BTBD9: variants seen among roughly 807,000 people sequenced by gnomAD.
BTBD9 encodes the protein BTB domain containing 9, also known as BTB/POZ domain-containing protein 9.
A neutral mutation model predicts 64.3 loss-of-function variants in BTBD9; 49 were observed. That is an observed-to-expected ratio of 0.76 (90% CI 0.61 to 0.97). BTBD9 has a LOEUF of 0.97. Among genes scored for constraint, BTBD9 ranks in the 50% least tolerant of loss-of-function variants. BTBD9 has a pLI of 0.00. For missense variants in BTBD9, 598 were observed against 762.1 expected, an observed-to-expected ratio of 0.78 and a Z score of 2.53; for synonymous variants, 260 against 274.7, an observed-to-expected ratio of 0.95 and a Z score of 0.53.
intron 7 of BTBD9, among the ~76,000 whole-genome samples, chr6:38,302,523 A>C (rs1274416310): frequency 7.5e-6 from 1 of 132,928 alleles, no homozygotes; most frequent in South Asian, 2.5e-4. Flanking sequence ...ATATATATAT[A>C]TCACATTCTC....
At chr6:38,639,773 C>G (rs919818844) in intron 1 of BTBD9, 27 bp downstream of exon 1, 51 of 151,980 alleles carry the variant, frequency 3.4e-4, no homozygotes, top group African/African-American at 1.2e-3. Context: ...CAGGCCCCAC[C>G]TCCCCTGCAA....
intron 8 of BTBD9, among the ~76,000 whole-genome samples, chr6:38,277,794 C>T (rs898326317): frequency 2.0e-5 from 3 of 152,144 alleles, no homozygotes; most frequent in South Asian, 2.1e-4. Context: ...AATTATATGG[C>T]ATGTGAATTA....
chr6:38,393,067 G>C (rs879778866), intron 6 of BTBD9, among the ~76,000 whole-genome samples: 1 of 151,956 alleles, frequency 6.6e-6, no homozygotes, highest in Non-Finnish European at 1.5e-5. Context: ...GTAGAGACAG[G>C]GTTTCGCCAT....
chr6:38,524,368 C>T (rs564451604), intron 6 of BTBD9, among the ~76,000 whole-genome samples: 14 of 152,006 alleles, frequency 9.2e-5, no homozygotes, highest in African/African-American at 3.1e-4. Flanking sequence ...TTTTCTTCTC[C>T]TTAGAATTCA....
chr6:38,304,042 A>T (rs1167143517), intron 7 of BTBD9, among the ~76,000 whole-genome samples: 1 of 150,974 alleles, frequency 6.6e-6, no homozygotes, highest in Non-Finnish European at 1.5e-5. Flanking sequence ...TAGTCAAAGT[A>T]TGGATCTACA....
intron 6 of BTBD9, among the ~76,000 whole-genome samples, chr6:38,386,774 C>G (rs1766191346): frequency 6.6e-6 from 1 of 151,722 alleles, no homozygotes; most frequent in South Asian, 2.1e-4. Flanking sequence ...TCCCAAGTAG[C>G]TGGGACTACA....
At chr6:38,205,893 AAAG>A (rs1561871121) in intron 9 of BTBD9, among the ~76,000 whole-genome samples, 12 of 143,922 alleles carry the variant, frequency 8.3e-5, no homozygotes, top group South Asian at 6.7e-4. Flanking sequence ...AAAAAAAAAG[AAAG>A]AAAGAAAGAA....
intron 6 of BTBD9, among the ~76,000 whole-genome samples, chr6:38,491,304 AAGGTGTTAG>A (rs1487787643): frequency 6.6e-6 from 1 of 152,232 alleles, no homozygotes; most frequent in African/African-American, 2.4e-5. Flanking sequence ...CAAGAAAGGC[AAGGTGTTAG>A]TTACATAATA....
At chr6:38,188,151 G>A (rs547350706) in intron 10 of BTBD9, among the ~76,000 whole-genome samples, 1 of 152,164 alleles carries the variant, frequency 6.6e-6, no homozygotes, top group Non-Finnish European at 1.5e-5. Flanking sequence ...CCTGCTGTCC[G>A]CCTTCTCCTA....
intron 9 of BTBD9, among the ~76,000 whole-genome samples, chr6:38,247,861 A>T (rs1229210123): frequency 2.0e-5 from 3 of 152,116 alleles, no homozygotes; most frequent in Non-Finnish European, 4.4e-5. Flanking sequence ...AAACCATGCC[A>T]CTCTGCCAGC....
intron 1 of BTBD9, among the ~76,000 whole-genome samples, chr6:38,607,521 C>G (rs1393829266): frequency 6.6e-6 from 1 of 152,114 alleles, no homozygotes; most frequent in Non-Finnish European, 1.5e-5. Flanking sequence ...TTTGCATACT[C>G]TTAATGCTTC....
intron 6 of BTBD9, 84 bp downstream of exon 6, chr6:38,577,516 A>G: frequency 7.4e-7 from 1 of 1,353,126 alleles, no homozygotes; most frequent in Non-Finnish European, 1.0e-6. Flanking sequence ...TCTTTTTTCA[A>G]GATGAAAAAT....
intron 6 of BTBD9, among the ~76,000 whole-genome samples, chr6:38,429,847 A>G (rs1355439610): frequency 6.6e-6 from 1 of 152,016 alleles, no homozygotes; most frequent in Admixed American, 6.5e-5. Flanking sequence ...ATCACATATA[A>G]TATTAGGCTT....
chr6:38,438,717 G>A (rs1449612274), intron 6 of BTBD9, among the ~76,000 whole-genome samples: 1 of 151,892 alleles, frequency 6.6e-6, no homozygotes, highest in Non-Finnish European at 1.5e-5. Context: ...AGGTGCTAGA[G>A]AGCTTCATTT....
intron 6 of BTBD9, among the ~76,000 whole-genome samples, chr6:38,532,266 T>C (rs1313992403): frequency 2.6e-5 from 4 of 152,156 alleles, no homozygotes; most frequent in East Asian, 1.9e-4. Context: ...CAGAGGGGAA[T>C]TGCCAATCCC....
At chr6:38,234,217 T>C (rs1281027728) in intron 9 of BTBD9, among the ~76,000 whole-genome samples, 2 of 152,216 alleles carry the variant, frequency 1.3e-5, no homozygotes, top group Non-Finnish European at 2.9e-5. Context: ...TATATAACTA[T>C]GTCTGTCACA....
At chr6:38,240,231 T>G (rs1044754541) in intron 9 of BTBD9, among the ~76,000 whole-genome samples, 1 of 152,228 alleles carries the variant, frequency 6.6e-6, no homozygotes, top group African/African-American at 2.4e-5. Context: ...TTATCCCTAC[T>G]GAGTCACTCA....
intron 6 of BTBD9, among the ~76,000 whole-genome samples, chr6:38,369,117 T>C (rs1198130698): frequency 6.6e-6 from 1 of 152,156 alleles, no homozygotes; most frequent in Non-Finnish European, 1.5e-5. Context: ...CCCACTGTCT[T>C]AACTTAATAT....
intron 6 of BTBD9, among the ~76,000 whole-genome samples, chr6:38,477,796 T>C (rs959129377): frequency 2.0e-5 from 3 of 152,144 alleles, no homozygotes; most frequent in African/African-American, 7.2e-5. Context: ...TATCCTCGAG[T>C]CATTTAAGAA....
Sources: gnomAD v4.1 joint callset for allele counts (sites outside exome capture counted in the v4.1 genomes callset) on GRCh38, gnomAD v4.1.1 for gene constraint, MANE v1.5 for transcripts, NCBI Gene and HGNC (gene_info 2026-07-23, HGNC 2026-07-21) for gene names.